CACNA1B: variants seen among roughly 807,000 people sequenced by gnomAD.
CACNA1B encodes the protein calcium voltage-gated channel subunit alpha1 B.
Under a neutral mutation model 247.2 loss-of-function variants are expected in CACNA1B, and 70 were observed. The observed-to-expected ratio is 0.28, with a 90% confidence interval of 0.23 to 0.35. The LOEUF (loss-of-function observed/expected upper bound fraction) is 0.35, where lower values mean the gene tolerates loss of function less well. CACNA1B is among the 10% of genes least tolerant of loss of function. The probability of loss-of-function intolerance (pLI) is 1.00; values close to 1 mark genes in which losing one functional copy is unlikely to be tolerated. For synonymous variants in CACNA1B, 1,231 were observed against 1,294.4 expected (o/e 0.95, Z 1.05); for missense variants, 2,367 against 3,197.4 (o/e 0.74, Z 6.26).
chr9:138,120,102 A>G lies in CACNA1B; in HGVS notation c.6031-63A>G, dbSNP rs1436025410. ...CTGGCCTGCTCCACCACCCACTTCCATGCCTGCATTCCCGCTGACCCTGGT... is the reference window on the plus strand; with the variant it reads ...CTGGCCTGCTCCACCACCCACTTCCGTGCCTGCATTCCCGCTGACCCTGGT... On this transcript the variant is annotated intron_variant, in intron 44 of 46. Transcript: ENST00000371372. 6 of 1,390,106 alleles carry G rather than the reference A, an allele frequency of 4.3e-6. No individual in the cohort carries two copies. In the African/African-American group the frequency reaches 5.7e-5, roughly 13 times the overall value. The allele number at this position is 1,390,106 out of a possible 1,614,324, so 86.1% of individuals were successfully genotyped here.
At chr9:138,049,942 A>G in intron 24 of CACNA1B, 1 of 517,568 alleles carries the variant, frequency 1.9e-6, no homozygotes, top group South Asian at 1.6e-5. Flanking sequence ...GTGGGGTGAG[A>G]TCCAGAGACA....
In CACNA1B at chr9:138,073,173, CTGGCAGCAGAGAGA is replaced by C. The variant is rs1960187053; in HGVS notation, c.4675-312_4675-299del. On this transcript the variant is annotated intron_variant, in intron 32 of 46. Coordinates refer to ENST00000371372, the MANE Select transcript of CACNA1B (RefSeq NM_000718.4). The surrounding 1 kb of genome is among the most constrained non-coding windows in gnomAD (Gnocchi z 6.4). ...AGCCACAGGTGATCTCCCAGCTCAC[CTGGCAGCAGAGAGA>C]TGCCTGGGAGAACTTTTCTTTCTGT... Among the ~76,000 whole-genome samples, 1 of 152,176 alleles carries C rather than the reference CTGGCAGCAGAGAGA, an allele frequency of 6.6e-6. No individual in the cohort carries two copies. The highest frequency in any genetic ancestry group is 2.4e-5 in the African/African-American group (1 of 41,442).
At chr9:137,966,978 T>TA (rs10710861) in intron 10 of CACNA1B, among the ~76,000 whole-genome samples, 90 of 147,882 alleles carry the variant, frequency 6.1e-4, no homozygotes, top group Non-Finnish European at 9.7e-4. Context: ...TTTTTTTTTT[T>TA]AAAAAAAAAA....
At chr9:138,049,505 G>C (rs898402474) in intron 24 of CACNA1B, among the ~76,000 whole-genome samples, 190 bp downstream of exon 24, 16 of 152,214 alleles carry the variant, frequency 1.1e-4, no homozygotes, top group Non-Finnish European at 2.1e-4. Flanking sequence ...CATGAGGTCT[G>C]TCTGTGGCTC....
chr9:138,047,346 C>T (rs1364809656), intron 22 of CACNA1B, 53 bp from the exon 23 acceptor site: 10 of 1,396,000 alleles, frequency 7.2e-6, no homozygotes, highest in Non-Finnish European at 1.0e-5. Context: ...CCGAGGGCAC[C>T]CTGGCTCAGA....
At chr9:138,088,327 C>T (rs1050808772) in intron 36 of CACNA1B, among the ~76,000 whole-genome samples, 4 of 151,874 alleles carry the variant, frequency 2.6e-5, no homozygotes, top group Admixed American at 2.0e-4. Flanking sequence ...CGAGATTATG[C>T]CACTGCACTC....
Position 138,020,098 on chromosome 9 carries a change from C to CAAAAA in CACNA1B, c.2268-2896_2268-2892dup, listed in dbSNP as rs4066675. 6.0e-5 allele frequency among the ~76,000 whole-genome samples: 5 copies of CAAAAA among 83,818 alleles called. No individual in the cohort carries two copies. Among genetic ancestry groups the CAAAAA allele is most frequent in the Non-Finnish European group, 8.0e-5 (3 of 37,640 alleles). The allele number at this position is 83,818 out of a possible 152,430, so 55.0% of individuals were successfully genotyped here. A position where few individuals can be genotyped will look rare whatever the true frequency, so the allele number is the denominator to read the frequency against. On this transcript the variant is annotated intron_variant, in intron 18 of 46. Coordinates refer to ENST00000371372, the MANE Select transcript of CACNA1B (RefSeq NM_000718.4). The surrounding 1 kb of genome is among the most constrained non-coding windows in gnomAD (Gnocchi z 4.1). ...GGCGACACAGCGAGACTCTGTCTCC[C>CAAAAA]AAAAAAAAAAAAAAAAAAAAATGCA...
intron 6 of CACNA1B, among the ~76,000 whole-genome samples, chr9:137,937,972 A>G (rs1483541464): frequency 6.7e-6 from 1 of 149,480 alleles, no homozygotes; most frequent in East Asian, 1.9e-4. Context: ...AAAAAAAAAA[A>G]AAAAAAGACA....
rs954362509 is a variant in CACNA1B at position 137,899,662 on chromosome 9, A to G, written c.531-13518A>G. ...AGAACTGCCGGCTCTCTCCATGGCA[A>G]CTGCAAGCAGGCTTCTGGGTGAGAA... On this transcript the variant is annotated intron_variant, in intron 3 of 46. Coordinates refer to ENST00000371372, the MANE Select transcript of CACNA1B (RefSeq NM_000718.4). The surrounding 1 kb of genome is among the most constrained non-coding windows in gnomAD (Gnocchi z 5.0). Among the ~76,000 whole-genome samples, 2 of 152,172 alleles carry G rather than the reference A, an allele frequency of 1.3e-5. No homozygotes were observed. Among genetic ancestry groups the G allele is most frequent in the African/African-American group, 4.8e-5 (2 of 41,442 alleles).
Position 138,121,358 on chromosome 9 carries a change from C to A in CACNA1B, c.6490-111C>A. 1.2e-6 allele frequency: 1 copy of A among 816,224 alleles called. No homozygotes were observed. The highest frequency in any genetic ancestry group is 1.9e-6 in the Non-Finnish European group (1 of 539,472). The allele number at this position is 816,224 out of a possible 1,614,324, so 50.6% of individuals were successfully genotyped here. On this transcript the variant is annotated intron_variant, in intron 46 of 46. Transcript: ENST00000371372. The surrounding 1 kb of genome is among the most constrained non-coding windows in gnomAD (Gnocchi z 6.8). The stretch of plus-strand genomic sequence containing the variant: ...GCAGCCCGTTGTCCCCCATTGCCTC[C>A]CTCTCTCCTCCCATCCCCCCAGGCA...
intron 18 of CACNA1B, among the ~76,000 whole-genome samples, chr9:138,015,958 G>A (rs150364385): frequency 6.6e-6 from 1 of 151,800 alleles, no homozygotes; most frequent in East Asian, 1.9e-4. Flanking sequence ...ATATAGGCAA[G>A]CACACACACA....
At chr9:137,963,093 C>A (rs1397937352) in intron 10 of CACNA1B, among the ~76,000 whole-genome samples, 2 of 152,196 alleles carry the variant, frequency 1.3e-5, no homozygotes, top group Non-Finnish European at 2.9e-5. Flanking sequence ...ATTTAGGACA[C>A]TTAGCTCTTC....
chr9:137,981,382 A>G (rs1029745831), intron 12 of CACNA1B, among the ~76,000 whole-genome samples: 1 of 152,080 alleles, frequency 6.6e-6, no homozygotes, highest in Non-Finnish European at 1.5e-5. Context: ...CTCTCCTCTC[A>G]TATTTGACTA....
chr9:137,976,432 T>A (rs969841851), intron 12 of CACNA1B, among the ~76,000 whole-genome samples: 4 of 152,228 alleles, frequency 2.6e-5, no homozygotes, highest in African/African-American at 9.6e-5. Flanking sequence ...TGGGGCACGA[T>A]AGGCCATGAT....
chr9:138,050,184 C>A lies in CACNA1B; in HGVS notation c.3710+869C>A. On this transcript the variant is annotated intron_variant, in intron 24 of 46. Transcript: ENST00000371372. The surrounding 1 kb of genome is among the most constrained non-coding windows in gnomAD (Gnocchi z 5.2). ...TCTCCAGCCTCACCCCCCGCCCATC[C>A]ACTTTCACCCCATCGGGGCTGCATG... is the stretch of plus-strand genomic sequence containing the variant. 1 of 891,316 alleles carries A rather than the reference C, an allele frequency of 1.1e-6. No individual in the cohort carries two copies. The allele number at this position is 891,316 out of a possible 1,614,324, so 55.2% of individuals were successfully genotyped here. A position where few individuals can be genotyped will look rare whatever the true frequency, so the allele number is the denominator to read the frequency against.
At chr9:137,932,691 G>A (rs1244429502) in intron 6 of CACNA1B, among the ~76,000 whole-genome samples, 1 of 152,122 alleles carries the variant, frequency 6.6e-6, no homozygotes, top group African/African-American at 2.4e-5. Flanking sequence ...GACGTCTCAG[G>A]ATTAGTACAT....
intron 31 of CACNA1B, among the ~76,000 whole-genome samples, chr9:138,061,167 C>T (rs1959709166): frequency 6.6e-6 from 1 of 152,226 alleles, no homozygotes; most frequent in African/African-American, 2.4e-5. Context: ...CAGCTCTGCC[C>T]TTCACAGTAA....
chr9:137,939,314 C>T (rs59295721), intron 6 of CACNA1B, among the ~76,000 whole-genome samples: 1,866 of 152,142 alleles, frequency 0.012, 37 homozygotes, highest in African/African-American at 0.042. Flanking sequence ...TATAAATAGG[C>T]CACAAAATGA....
intron 36 of CACNA1B, among the ~76,000 whole-genome samples, chr9:138,090,505 A>G (rs984188747): frequency 6.6e-6 from 1 of 152,034 alleles, no homozygotes; most frequent in Non-Finnish European, 1.5e-5. Context: ...CAAAAATTGT[A>G]TGGAGAAGAC....
Sources: gnomAD v4.1 joint callset for allele counts (sites outside exome capture counted in the v4.1 genomes callset) on GRCh38, gnomAD v4.1.1 for gene constraint, Gnocchi (gnomAD v3.1) non-coding constraint, MANE v1.5 for transcripts, NCBI Gene and HGNC (gene_info 2026-07-23, HGNC 2026-07-21) for gene names.